The following HUNK variants were observed in gnomAD, a reference collection of about 807,000 sequenced individuals.
The protein encoded by HUNK is hormonally up-regulated Neu-associated kinase.
In HUNK, 21 loss-of-function variants were observed where a neutral mutation model predicts 61.0. The ratio of observed to expected loss-of-function variants is 0.34; its 90% CI spans 0.24 to 0.50. The LOEUF is 0.50. Among genes scored for constraint, HUNK ranks in the 20% least tolerant of loss-of-function variants. HUNK has a pLI of 0.98. For synonymous variants in HUNK, 371 were observed against 386.1 expected (o/e 0.96, Z 0.46); for missense variants, 772 against 945.7 (o/e 0.82, Z 2.41).
At chr21:31,981,765 T>C (rs1261857661) in intron 7 of HUNK, among the ~76,000 whole-genome samples, 1 of 152,224 alleles carries the variant, frequency 6.6e-6, no homozygotes, top group Admixed American at 6.5e-5. Flanking sequence ...TGGTAGTCTT[T>C]AGGGTTTTCT....
intron 7 of HUNK, among the ~76,000 whole-genome samples, chr21:31,975,393 T>C (rs868242298): frequency 3.9e-5 from 6 of 152,226 alleles, no homozygotes; most frequent in South Asian, 2.1e-4. Flanking sequence ...TCTCTCCAAA[T>C]GGACAATGGC....
At chr21:31,960,783 T>G (rs2052922715) in intron 5 of HUNK, among the ~76,000 whole-genome samples, 1 of 152,192 alleles carries the variant, frequency 6.6e-6, no homozygotes, top group African/African-American at 2.4e-5. Context: ...GGCCCCGCCC[T>G]TGACATGTGG....
chr21:31,914,080 G>A lies in HUNK; in HGVS notation c.262-10388G>A, dbSNP rs1178815415. ...TGTTGCTGTGACGTCCCCAGACTGG[G>A]GAAGGCAGGAGGAGAGTGGAAGAGG... On this transcript the variant is annotated intron_variant, in intron 1 of 10. Transcript: ENST00000270112. 3.9e-5 allele frequency among the ~76,000 whole-genome samples: 6 copies of A among 152,272 alleles called. No homozygotes were observed. In the East Asian group the frequency reaches 1.2e-3, roughly 29 times the overall value.
At chr21:31,916,137 G>T (rs1377983806) in intron 1 of HUNK, among the ~76,000 whole-genome samples, 1 of 123,920 alleles carries the variant, frequency 8.1e-6, no homozygotes, top group Non-Finnish European at 1.6e-5. Flanking sequence ...TGCAAGCTCC[G>T]CCTCCCGGGT....
intron 6 of HUNK, among the ~76,000 whole-genome samples, chr21:31,971,081 A>ATTTATTTATTTATTTATTTAT (rs11423136): frequency 4.0e-5 from 6 of 151,772 alleles, no homozygotes; most frequent in African/African-American, 1.5e-4. Flanking sequence ...TTATTTATTT[A>ATTTATTTATTTATTTATTTAT]TTATTTATTT....
At chr21:31,916,635 T>A (rs1366368914) in intron 1 of HUNK, among the ~76,000 whole-genome samples, 2 of 151,392 alleles carry the variant, frequency 1.3e-5, no homozygotes, top group Non-Finnish European at 2.9e-5. Flanking sequence ...CAGGGCAAAC[T>A]CTTCCTCCTC....
intron 1 of HUNK, among the ~76,000 whole-genome samples, chr21:31,919,085 C>T (rs1487731712): frequency 3.2e-4 from 24 of 75,332 alleles, no homozygotes; most frequent in African/African-American, 2.1e-3. Flanking sequence ...CTGGACTGAG[C>T]GGTATGAGGA....
chr21:31,998,756 G>A lies in HUNK; in HGVS notation c.1717G>A (p.Val573Met), dbSNP rs769352625. 29 of 1,614,062 alleles carry A rather than the reference G, an allele frequency of 1.8e-5. No individual in the cohort carries two copies. In the Admixed American group the frequency reaches 4.5e-4, roughly 25 times the overall value. ...TGTGGATCGCGACGACCACGTAGAA[G>A]TGCTGTCTCCCTCTCATCACTACAG... The part of the protein sequence containing the change: ...ESVDRDDHVE[V>M]LSPSHHYRIL... Residue 573 changes from valine (V) to methionine (M), a missense_variant, in exon 11 of 11, where the codon GTG becomes ATG. Val to Met is a conservative substitution (Grantham distance 21). Around this residue, in one of 2 missense-constraint regions of HUNK, gnomAD observed 413 missense variants for 444.4 expected, o/e 0.93. Coordinates refer to ENST00000270112, the MANE Select transcript of HUNK (RefSeq NM_014586.2).
chr21:31,939,425 T>TTTTTTGATTG (rs59738383), intron 2 of HUNK, among the ~76,000 whole-genome samples: 1 of 124,416 alleles, frequency 8.0e-6, no homozygotes, highest in African/African-American at 3.1e-5. Flanking sequence ...TTTTTTTTTT[T>TTTTTTGATTG]GAGATGGAGT....
In HUNK at chr21:31,998,897, G is replaced by T. The variant is rs1431143496; in HGVS notation, c.1858G>T (p.Val620Phe). The T allele has an allele frequency of 3.1e-6, 5 of 1,614,186 alleles. No homozygotes were observed. In the South Asian group the frequency reaches 5.5e-5, roughly 18 times the overall value. ...PLHTPLHPTL[V>F]SFAHEDKNSP... ...CCATACTCCTTTGCATCCAACTCTG[G>T]TCTCTTTTGCTCACGAAGATAAGAA... is the stretch of plus-strand genomic sequence containing the variant. Residue 620 changes from valine to phenylalanine, a missense_variant, in exon 11 of 11, where the codon GTC becomes TTC. This residue lies in a region of HUNK where 413 missense variants were observed against 444.4 expected (regional missense o/e 0.93). Coordinates refer to ENST00000270112, the MANE Select transcript of HUNK (RefSeq NM_014586.2).
intron 8 of HUNK, among the ~76,000 whole-genome samples, chr21:31,986,865 G>A (rs967091867): frequency 5.9e-5 from 9 of 152,048 alleles, no homozygotes; most frequent in South Asian, 2.1e-4. Flanking sequence ...TTATCCTATC[G>A]ATCCTATCTG....
rs144480038 is a variant in HUNK at position 31,960,778 on chromosome 21, C to T, written c.874+1808C>T. 6.0e-3 allele frequency among the ~76,000 whole-genome samples: 915 copies of T among 152,250 alleles called. 13 individuals are homozygous for T. Among genetic ancestry groups the T allele is most frequent in the African/African-American group, 0.021 (867 of 41,534 alleles). On this transcript the variant is annotated intron_variant, in intron 5 of 10. Transcript: ENST00000270112. Reference sequence around the variant, plus strand: ...TGATTCAATTATCTCCACCTGGCCCCGCCCTTGACATGTGGGGATTATTAC... The same window carrying T: ...TGATTCAATTATCTCCACCTGGCCCTGCCCTTGACATGTGGGGATTATTAC...
intron 7 of HUNK, among the ~76,000 whole-genome samples, chr21:31,977,204 A>G (rs1352968837): frequency 6.6e-6 from 1 of 152,224 alleles, no homozygotes; most frequent in Non-Finnish European, 1.5e-5. Context: ...ATAAATATGC[A>G]TATGTTGCAG....
At chr21:31,935,410 C>T (rs1257757945) in intron 2 of HUNK, among the ~76,000 whole-genome samples, 5 of 152,162 alleles carry the variant, frequency 3.3e-5, no homozygotes, top group Admixed American at 6.6e-5. Context: ...TGGATACAGT[C>T]GTATTAACTA....
chr21:31,911,702 G>A (rs1169020634), intron 1 of HUNK, among the ~76,000 whole-genome samples: 1 of 151,946 alleles, frequency 6.6e-6, no homozygotes, highest in African/African-American at 2.4e-5. Context: ...CTACCAAGGG[G>A]ACCACCCAGA....
chr21:31,931,940 G>A (rs960579090), intron 2 of HUNK, among the ~76,000 whole-genome samples: 4 of 151,980 alleles, frequency 2.6e-5, no homozygotes, highest in African/African-American at 7.3e-5. Context: ...ACACACGCGC[G>A]CCCACCGCCA....
chr21:31,879,095 C>T (rs540018644), intron 1 of HUNK, among the ~76,000 whole-genome samples: 59 of 152,278 alleles, frequency 3.9e-4, no homozygotes, highest in African/African-American at 1.3e-3. Flanking sequence ...ACTAAAAATA[C>T]GATTTACTAT....
chr21:31,944,234 C>T (rs561985871), intron 3 of HUNK, among the ~76,000 whole-genome samples: 53 of 152,306 alleles, frequency 3.5e-4, no homozygotes, highest in Admixed American at 2.8e-3. Context: ...TGTGCGCCTC[C>T]GCGCCTGGCT....
intron 6 of HUNK, among the ~76,000 whole-genome samples, chr21:31,968,667 C>T (rs1414348663): frequency 6.6e-6 from 1 of 151,296 alleles, no homozygotes; most frequent in Non-Finnish European, 1.5e-5. Flanking sequence ...CCAGGGGTTG[C>T]CTTTTTCTAG....
Sources: allele counts gnomAD v4.1 joint callset (sites outside exome capture counted in the v4.1 genomes callset), GRCh38; gene constraint gnomAD v4.1.1; regional missense constraint gnomAD v4.1.1; transcripts MANE v1.5; gene names NCBI Gene and HGNC (gene_info 2026-07-23, HGNC 2026-07-21).